The following NXPE4 variants were observed in gnomAD, a reference collection of about 807,000 sequenced individuals.
The protein encoded by NXPE4 is neurexophilin and PC-esterase domain family member 4.
In NXPE4, 42 loss-of-function variants were observed where a neutral mutation model predicts 33.3. The observed-to-expected ratio is 1.26, with a 90% CI of 0.98 to 1.63. NXPE4 has a LOEUF of 1.63. Ranked by LOEUF, NXPE4 falls within the 40% of genes most tolerant of loss-of-function variation. The pLI, the probability that NXPE4 is intolerant of heterozygous loss-of-function variation, is 0.00. For missense variants in NXPE4, 709 were observed against 647.6 expected (o/e 1.09, Z -1.03); for synonymous variants, 253 against 234.9 (o/e 1.08, Z -0.71).
At position 114,581,248 on chromosome 11, in the gene NXPE4, C is replaced by G. The variant is rs112898927; in HGVS notation, c.892+477G>C. 2.2e-3 allele frequency among the ~76,000 whole-genome samples: 339 copies of G among 152,130 alleles called. 1 individual carries two copies. The highest frequency in any genetic ancestry group is 7.7e-3 in the African/African-American group (320 of 41,496). ...AGAGAAATTAGTAAATATAAGTGTG[C>G]AAGTTCTATTTTTTATGCTAACAAT... On this transcript the variant is annotated intron_variant, in intron 4 of 5. Transcript: ENST00000375478.
the NXPE4 span, among the ~76,000 whole-genome samples, chr11:114,610,473 G>C: frequency 6.6e-6 from 1 of 151,550 alleles, no homozygotes; most frequent in South Asian, 2.1e-4. Flanking sequence ...TGTTTCTAGG[G>C]TAACCACTGT....
chr11:114,623,732 T>A, the NXPE4 span, among the ~76,000 whole-genome samples: 1 of 152,090 alleles, frequency 6.6e-6, no homozygotes, highest in Non-Finnish European at 1.5e-5. Flanking sequence ...TATTGCCTCA[T>A]GGGTAACCAC....
chr11:114,594,645 T>C lies in NXPE4; in HGVS notation c.96+19A>G. On this transcript the variant is annotated intron_variant, in intron 2 of 5. Transcript: ENST00000375478. ...CAAAAATAAGCTTCTGTAAACCACA[T>C]AAATAAAGCATTTCCTACCTTTGTG... The C allele has an allele frequency of 6.6e-7, 1 of 1,516,064 alleles. No homozygotes were observed. The highest frequency in any genetic ancestry group is 9.1e-7 in the Non-Finnish European group (1 of 1,098,952). 93.9% of individuals were successfully genotyped at this position (1,516,064 alleles called of 1,614,324 possible). A position where few individuals can be genotyped will look rare whatever the true frequency, so the allele number is the denominator to read the frequency against.
At chr11:114,629,267 C>T in the NXPE4 span, among the ~76,000 whole-genome samples, 2 of 151,894 alleles carry the variant, frequency 1.3e-5, no homozygotes, top group South Asian at 4.2e-4. Context: ...TGCAAAAATC[C>T]TCAATAAAAT....
chr11:114,584,541 G>A (rs1463162420), intron 2 of NXPE4: 1 of 165,022 alleles, frequency 6.1e-6, no homozygotes, highest in African/African-American at 2.4e-5. Flanking sequence ...GGGAGAGCGT[G>A]GCTGCAAGAT....
At position 114,582,620 on chromosome 11, in the gene NXPE4, G is replaced by A. The variant is rs199976393; in HGVS notation, c.498C>T (p.Ser166=). The A allele has an allele frequency of 2.5e-6, 4 of 1,614,024 alleles. No individual in the cohort carries two copies. The South Asian group carries it at 4.4e-5, about 18-fold the overall frequency. ...CCTGGCCCTCCCAGAACAGAGTGAA[G>A]CTGACCAGGTAGGTGCCGTTGTTGA... ...TDFNNGTYLV[S]FTLFWEGQVS... The change falls in exon 3 of 6, where the codon AGC becomes AGT. Residue 166 remains serine, a synonymous_variant. Coordinates refer to ENST00000375478, the MANE Select transcript of NXPE4 (RefSeq NM_001077639.2).
chr11:114,573,397 C>T (rs1320751108), intron 5 of NXPE4, among the ~76,000 whole-genome samples: 2 of 152,060 alleles, frequency 1.3e-5, no homozygotes, highest in African/African-American at 4.8e-5. Context: ...GAATGCTCTA[C>T]TTAAAACGTA....
chr11:114,595,058 C>G (rs1281434041), intron 1 of NXPE4, among the ~76,000 whole-genome samples: 1 of 152,120 alleles, frequency 6.6e-6, no homozygotes, highest in Non-Finnish European at 1.5e-5. Flanking sequence ...TTGCTCGTGT[C>G]TAGATGAAGT....
At chr11:114,625,711 C>T in the NXPE4 span, among the ~76,000 whole-genome samples, 2 of 152,142 alleles carry the variant, frequency 1.3e-5, no homozygotes, top group African/African-American at 2.4e-5. Flanking sequence ...TCTACAGCTC[C>T]CAGCATGAGC....
chr11:114,649,065 C>T, the NXPE4 span, among the ~76,000 whole-genome samples: 7 of 151,812 alleles, frequency 4.6e-5, no homozygotes, highest in African/African-American at 1.7e-4. Context: ...ATGGTTATAA[C>T]TGATATTTAT....
At chr11:114,667,863 C>T in the NXPE4 span, among the ~76,000 whole-genome samples, 20 of 152,132 alleles carry the variant, frequency 1.3e-4, no homozygotes, top group African/African-American at 4.8e-4. Flanking sequence ...CCCAAATAAG[C>T]CACTCCTAAG....
chr11:114,595,248 T>C (rs947970509), intron 1 of NXPE4, among the ~76,000 whole-genome samples: 8 of 152,158 alleles, frequency 5.3e-5, no homozygotes, highest in Non-Finnish European at 1.0e-4. Context: ...CTTTTCTGTT[T>C]TAGCAGGCTT....
At position 114,582,332 on chromosome 11, in the gene NXPE4, C is replaced by T. The variant is rs2135231602; in HGVS notation, c.786G>A (p.Lys262=). Residue 262 remains lysine (K), a synonymous_variant, in exon 3 of 6, where the codon AAG becomes AAA. Transcript: ENST00000375478. ...CTTGTTTGCTAAGATAAGAAACTTT[C>T]TTGTTCTTAGAATACATGTGAGTGA... ...AALTHMYSKN[K]KVSYLSKQEK... The T allele has an allele frequency of 6.3e-7, 1 of 1,598,572 alleles. No homozygotes were observed. Among genetic ancestry groups the T allele is most frequent in the Admixed American group, 1.7e-5 (1 of 57,386 alleles).
the NXPE4 span, among the ~76,000 whole-genome samples, chr11:114,644,423 T>C: frequency 4.6e-5 from 7 of 152,134 alleles, no homozygotes; most frequent in Admixed American, 2.0e-4. Flanking sequence ...TTTTGAGATA[T>C]AGTCCATCAA....
intron 2 of NXPE4, among the ~76,000 whole-genome samples, chr11:114,593,790 CAAAT>C (rs1169903316): frequency 6.6e-6 from 1 of 151,842 alleles, no homozygotes; most frequent in Non-Finnish European, 1.5e-5. Flanking sequence ...CATCAACAGA[CAAAT>C]ACATAAAGAA....
chr11:114,638,632 A>T, the NXPE4 span, among the ~76,000 whole-genome samples: 1 of 151,956 alleles, frequency 6.6e-6, no homozygotes, highest in Admixed American at 6.6e-5. Context: ...TGATGTACAG[A>T]TAGGTTTTTG....
At chr11:114,670,070 A>G in the NXPE4 span, among the ~76,000 whole-genome samples, 119 of 152,160 alleles carry the variant, frequency 7.8e-4, no homozygotes, top group African/African-American at 2.6e-3. Context: ...AATTAGAACA[A>G]ACCTCAAAGA....
At chr11:114,579,209 A>G (rs552949047) in intron 5 of NXPE4, among the ~76,000 whole-genome samples, 3 of 152,216 alleles carry the variant, frequency 2.0e-5, no homozygotes, top group Admixed American at 2.0e-4. Context: ...GGCTCTTTTA[A>G]ACAACCAGTT....
chr11:114,659,625 A>C, the NXPE4 span, among the ~76,000 whole-genome samples: 1 of 152,182 alleles, frequency 6.6e-6, no homozygotes, highest in African/African-American at 2.4e-5. Context: ...ATTTTTAATG[A>C]AATGAATATG....
Sources: allele counts gnomAD v4.1 joint callset (sites outside exome capture counted in the v4.1 genomes callset), GRCh38; gene constraint gnomAD v4.1.1; transcripts MANE v1.5; gene names NCBI Gene and HGNC (gene_info 2026-07-23, HGNC 2026-07-21).